The following RNF31 variants were observed in gnomAD, a reference collection of about 807,000 sequenced individuals.
The protein encoded by RNF31 is ring finger protein 31, also known as E3 ubiquitin-protein ligase RNF31.
A neutral mutation model predicts 133.6 loss-of-function variants in RNF31; 38 were observed. The ratio of observed to expected loss-of-function variants is 0.28; its 90% CI spans 0.22 to 0.37. The LOEUF is 0.37. Ranked by LOEUF, RNF31 falls within the 10% of genes least tolerant of loss-of-function variation. RNF31 has a pLI of 1.00. For synonymous variants in RNF31, 582 were observed against 552.3 expected, an observed-to-expected ratio of 1.05 and a Z score of -0.75; for missense variants, 1,118 against 1,394.1, an observed-to-expected ratio of 0.80 and a Z score of 3.15.
rs1000044519 is a variant in RNF31 at position 24,155,356 on chromosome 14, G to A, written c.2304+26G>A. On this transcript the variant is annotated intron_variant, in intron 12 of 20. Coordinates refer to ENST00000324103, the MANE Select transcript of RNF31 (RefSeq NM_017999.5). The surrounding 1 kb of genome is among the most constrained non-coding windows in gnomAD (Gnocchi z 4.9). ...GTACTGCAGCCCCTCTAGGACTCAG[G>A]TACCCTGAGCTTTGAACAGGGACCC... 6.2e-7 allele frequency: 1 copy of A among 1,614,110 alleles called. No homozygotes were observed. Among genetic ancestry groups the A allele is most frequent in the Non-Finnish European group, 8.5e-7 (1 of 1,180,006 alleles).
Position 24,158,155 on chromosome 14 carries a change from T to C in RNF31, c.2855T>C (p.Met952Thr), listed in dbSNP as rs764076318. The C allele has an allele frequency of 6.2e-7, 1 of 1,614,244 alleles. No homozygotes were observed. The highest frequency in any genetic ancestry group is 1.3e-5 in the African/African-American group (1 of 75,066). ...TCTCCTCCTCAGGACAATAACGTCA[T>C]GTTTAATACAGAGCCTCCAGCTGGG... ...LQKLLQDNNV[M>T]FNTEPPAGAR... is the part of the protein sequence containing the mutation. Residue 952 changes from methionine to threonine, a missense_variant, in exon 18 of 21, where the codon ATG becomes ACG. By Grantham distance (81) the Met-to-Thr change is moderately conservative (BLOSUM62 -1). Coordinates refer to ENST00000324103, the MANE Select transcript of RNF31 (RefSeq NM_017999.5).
At chr14:24,148,951 T>C in intron 5 of RNF31, 75 bp downstream of exon 5, 1 of 1,233,192 alleles carries the variant, frequency 8.1e-7, no homozygotes, top group Non-Finnish European at 1.2e-6. Flanking sequence ...TCTGTCTTCT[T>C]GGTTATCTTC....
chr14:24,149,594 T>C lies in RNF31; in HGVS notation c.809+11T>C, dbSNP rs772756394. 21 of 1,608,150 alleles carry C rather than the reference T, an allele frequency of 1.3e-5. No homozygotes were observed. The highest frequency in any genetic ancestry group is 1.7e-5 in the Non-Finnish European group (20 of 1,177,112). On this transcript the variant is annotated intron_variant, in intron 6 of 20. Coordinates refer to ENST00000324103, the MANE Select transcript of RNF31 (RefSeq NM_017999.5). ...CCACCTGAGCCCCAGGTGAGAGGGC[T>C]TCTCTTCTGGGTGGGAGTGAAATTT...
chr14:24,157,263 A>G, intron 14 of RNF31, 27 bp from the exon 15 acceptor site: 1 of 1,558,016 alleles, frequency 6.4e-7, no homozygotes, highest in Non-Finnish European at 8.8e-7. Flanking sequence ...TAGAGCTCCC[A>G]TGTGAAGCCT....
In RNF31 at chr14:24,151,136, G is replaced by C. The variant is rs767620091; in HGVS notation, c.1494G>C (p.Gly498=). The change falls in exon 9 of 21, where the codon GGG becomes GGC. Residue 498 remains glycine, a synonymous_variant. Coordinates refer to ENST00000324103, the MANE Select transcript of RNF31 (RefSeq NM_017999.5). This position sits in a 1 kb window ranked among gnomAD's most constrained non-coding sequence, Gnocchi z 5.3. The stretch of plus-strand genomic sequence containing the variant: ...TGGGCGGGACTGTGCCTTAGGAAGG[G>C]GAAGCCGCAGGTGCCTGTCCAGAGG... ...GLQLVSMIRE[G]EAAGACPEEI... The C allele has an allele frequency of 6.2e-7, 1 of 1,613,778 alleles. No individual in the cohort carries two copies.
At position 24,148,689 on chromosome 14, in the gene RNF31, G is replaced by T; in HGVS notation, c.543G>T (p.Lys181Asn). 1 of 1,614,190 alleles carries T rather than the reference G, an allele frequency of 6.2e-7. No homozygotes were observed. Among genetic ancestry groups the T allele is most frequent in the Non-Finnish European group, 8.5e-7 (1 of 1,180,038 alleles). ...QQALEQLLED[K>N]VEDDMLQLSE... Reference sequence around the variant, plus strand: ...CACTGGAGCAGCTGTTGGAAGACAAGGTTGAAGATGATGTAAGGAAGGCAG... The same window carrying T: ...CACTGGAGCAGCTGTTGGAAGACAATGTTGAAGATGATGTAAGGAAGGCAG... The change falls in exon 4 of 21, where the codon AAG (lysine) becomes AAT (asparagine). Residue 181 changes from lysine (K) to asparagine (N), a missense_variant. By Grantham distance (94) the Lys-to-Asn change is moderately conservative. Around this residue, in one of 3 missense-constraint regions of RNF31, gnomAD observed 747 missense variants for 827.9 expected, o/e 0.90. Transcript: ENST00000324103.
chr14:24,150,123 C>G lies in RNF31; in HGVS notation c.872C>G (p.Ser291Cys), dbSNP rs2038240508. ...STSLLALGDS[S>C]LSSPNPASAH... ...TCCCTGCTGGCCCTGGGAGACAGCTCTCTTTCTTCCCCTAATCCTGCAAGT... is the reference window on the plus strand; with the variant it reads ...TCCCTGCTGGCCCTGGGAGACAGCTGTCTTTCTTCCCCTAATCCTGCAAGT... Residue 291 changes from serine (S) to cysteine (C), a missense_variant, in exon 7 of 21, where the codon TCT (serine) becomes TGT (cysteine). Around this residue, in one of 3 missense-constraint regions of RNF31, gnomAD observed 747 missense variants for 827.9 expected, o/e 0.90. Coordinates refer to ENST00000324103, the MANE Select transcript of RNF31 (RefSeq NM_017999.5). 1 of 1,609,520 alleles carries G rather than the reference C, an allele frequency of 6.2e-7. No individual in the cohort carries two copies. The highest frequency in any genetic ancestry group is 1.3e-5 in the African/African-American group (1 of 74,980).
In RNF31 at chr14:24,151,452, A is replaced by G. The variant is rs753559946; in HGVS notation, c.1738-33A>G. The G allele has an allele frequency of 6.2e-7, 1 of 1,613,108 alleles. No homozygotes were observed. The highest frequency in any genetic ancestry group is 1.7e-5 in the Admixed American group (1 of 59,986). On this transcript the variant is annotated intron_variant, in intron 9 of 20. Coordinates refer to ENST00000324103, the MANE Select transcript of RNF31 (RefSeq NM_017999.5). This position sits in a 1 kb window ranked among gnomAD's most constrained non-coding sequence, Gnocchi z 5.3. ...CACACTCTCCCTTGCTTGCTTTCCC[A>G]CTTCATTCCCCCTTGCCACTCCCAT...
At chr14:24,154,922 G>GT in intron 11 of RNF31, 1 of 558,540 alleles carries the variant, frequency 1.8e-6, no homozygotes, top group African/African-American at 1.9e-5. Flanking sequence ...GAATATGAAT[G>GT]TTTTTATAGG....
Position 24,148,863 on chromosome 14 carries a change from A to T in RNF31, c.618A>T (p.Thr206=), listed in dbSNP as rs755639780. 2 of 1,613,874 alleles carry T rather than the reference A, an allele frequency of 1.2e-6. No individual in the cohort carries two copies. Among genetic ancestry groups the T allele is most frequent in the Admixed American group, 1.7e-5 (1 of 60,012 alleles). The part of the protein sequence containing the change: ...LREIAPGPLT[T]PSVPGSTPGP... ...AGATTGCTCCTGGCCCCCTCACCAC[A>T]CCCTCTGTCCCAGGTATTATTGGTC... Residue 206 remains threonine (T), a synonymous_variant, in exon 5 of 21, where the codon ACA becomes ACT. Coordinates refer to ENST00000324103, the MANE Select transcript of RNF31 (RefSeq NM_017999.5).
At position 24,155,695 on chromosome 14, in the gene RNF31, G is replaced by A. The variant is rs758816518; in HGVS notation, c.2493+3G>A. The stretch of plus-strand genomic sequence containing the variant: ...TCTGTGTGCGCTGCAAGCGCCAGGT[G>A]AGGCACATTCATCCTTTCAGAAATA... On this transcript the variant is annotated splice_donor_region_variant and intron_variant, in intron 14 of 20. Transcript: ENST00000324103. This position sits in a 1 kb window ranked among gnomAD's most constrained non-coding sequence, Gnocchi z 4.9. The A allele has an allele frequency of 6.2e-7, 1 of 1,613,222 alleles. No homozygotes were observed. Among genetic ancestry groups the A allele is most frequent in the South Asian group, 1.1e-5 (1 of 91,046 alleles).
rs779378327 is a variant in RNF31, at chr14:24,148,810, C to T, written c.565C>T (p.Leu189Phe). The T allele has an allele frequency of 3.7e-6, 6 of 1,614,060 alleles. No homozygotes were observed. Among genetic ancestry groups the T allele is most frequent in the African/African-American group, 2.7e-5 (2 of 74,914 alleles). ...EDKVEDDMLQ[L>F]SEFDPLLREI... ...GCCCTTTCTTTTTCAGATGCTGCAG[C>T]TTTCAGAATTTGACCCCCTATTGAG... Residue 189 changes from leucine (L) to phenylalanine (F), a missense_variant, in exon 5 of 21, where the codon CTT becomes TTT. Leu to Phe is a conservative substitution (Grantham distance 22). This residue lies in a region of RNF31 where 747 missense variants were observed against 827.9 expected (regional missense o/e 0.90). Coordinates refer to ENST00000324103, the MANE Select transcript of RNF31 (RefSeq NM_017999.5).
At chr14:24,147,497 C>T (rs1369001948), upstream of RNF31, 3 of 447,926 alleles carry the variant, frequency 6.7e-6, no homozygotes, top group Non-Finnish European at 7.7e-6. Flanking sequence ...CACCCTCTCT[C>T]CTAGTACTTC....
chr14:24,149,204 C>T, intron 5 of RNF31: 1 of 611,018 alleles, frequency 1.6e-6, no homozygotes, highest in South Asian at 2.1e-5. Context: ...CTCAAGTGAT[C>T]CACCCACCTC....
chr14:24,153,084 A>G (rs2038292007), intron 11 of RNF31, among the ~76,000 whole-genome samples: 1 of 151,880 alleles, frequency 6.6e-6, no homozygotes, highest in African/African-American at 2.4e-5. Flanking sequence ...CCGTCTTAAA[A>G]AAAAAAAAAA....
At chr14:24,149,285 A>G (rs2139077366) in intron 5 of RNF31, 121 bp from the exon 6 acceptor site, 3 of 1,061,496 alleles carry the variant, frequency 2.8e-6, no homozygotes, top group South Asian at 1.6e-5. Context: ...AAAAGAGATT[A>G]AAATTGTTTC....
chr14:24,155,113 G>T lies in RNF31; in HGVS notation c.2131-44G>T. 6.3e-7 allele frequency: 1 copy of T among 1,591,132 alleles called. No homozygotes were observed. Among genetic ancestry groups the T allele is most frequent in the East Asian group, 2.2e-5 (1 of 44,516 alleles). ...CCACTGCCTCTTCCCTAGCCTGGCAGCTGTGGCTTCTGACCCCCTCCCCTC... is the reference window on the plus strand; with the variant it reads ...CCACTGCCTCTTCCCTAGCCTGGCATCTGTGGCTTCTGACCCCCTCCCCTC... On this transcript the variant is annotated intron_variant, in intron 11 of 20. Transcript: ENST00000324103. This position sits in a 1 kb window ranked among gnomAD's most constrained non-coding sequence, Gnocchi z 4.9.
intron 11 of RNF31, among the ~76,000 whole-genome samples, chr14:24,153,207 G>T (rs2038294510): frequency 6.6e-6 from 1 of 152,182 alleles, no homozygotes. Context: ...AGCTTTGGGA[G>T]GCTGAGGTGG....
At chr14:24,148,908 G>A (rs2038219750) in intron 5 of RNF31, 32 bp downstream of exon 5, 2 of 1,572,948 alleles carry the variant, frequency 1.3e-6, no homozygotes. Context: ...GGACCAGGTA[G>A]GAAGCTATAT....
Sources: allele counts gnomAD v4.1 joint callset (sites outside exome capture counted in the v4.1 genomes callset), GRCh38; gene constraint gnomAD v4.1.1; regional missense constraint gnomAD v4.1.1; non-coding constraint Gnocchi (gnomAD v3.1); transcripts MANE v1.5; gene names NCBI Gene and HGNC (gene_info 2026-07-23, HGNC 2026-07-21).